The following TMPRSS11E variants were observed in gnomAD, a reference collection of about 807,000 sequenced individuals.
The protein encoded by TMPRSS11E is transmembrane serine protease 11E, also known as transmembrane protease serine 11E.
Under a neutral mutation model 48.1 loss-of-function variants are expected in TMPRSS11E, and 38 were observed. That is an observed-to-expected ratio of 0.79 (90% confidence interval 0.61 to 1.04). The LOEUF (loss-of-function observed/expected upper bound fraction) is 1.04. Ranked by LOEUF, TMPRSS11E falls within the 50% of genes least tolerant of loss-of-function variation. The probability of loss-of-function intolerance (pLI) is 0.00; values close to 1 mark genes in which losing one functional copy is unlikely to be tolerated. For synonymous variants in TMPRSS11E, 158 were observed against 171.9 expected (o/e 0.92, Z 0.63); for missense variants, 530 against 510.8 (o/e 1.04, Z -0.36).
intron 9 of TMPRSS11E, among the ~76,000 whole-genome samples, chr4:68,496,147 G>T (rs1242520883): frequency 6.6e-6 from 1 of 152,082 alleles, no homozygotes; most frequent in Non-Finnish European, 1.5e-5. Context: ...AGCATTTACA[G>T]ATAAATAAAT....
At chr4:68,479,234 C>T (rs1027194693) in intron 9 of TMPRSS11E, among the ~76,000 whole-genome samples, 2 of 152,070 alleles carry the variant, frequency 1.3e-5, no homozygotes, top group African/African-American at 4.8e-5. Flanking sequence ...GTGTAACCAC[C>T]ACTACAGTTA....
chr4:68,454,522 A>G (rs747651496), intron 1 of TMPRSS11E, among the ~76,000 whole-genome samples: 14 of 151,964 alleles, frequency 9.2e-5, no homozygotes, highest in African/African-American at 2.2e-4. Context: ...GAATTCTTAC[A>G]TATATTTCAG....
chr4:68,471,623 A>G lies in TMPRSS11E; in HGVS notation c.490A>G (p.Lys164Glu). ...KVDPHSVKIK[K>E]INKTETDSYL... Reference sequence around the variant, plus strand: ...AGATCCTCACTCAGTTAAAATTAAAAGTAAGTTAATTTCTCTTATTTTTCT... The same window carrying G: ...AGATCCTCACTCAGTTAAAATTAAAGGTAAGTTAATTTCTCTTATTTTTCT... The change falls in exon 5 of 10, where the codon AAA becomes GAA. Residue 164 changes from lysine to glutamate, a missense_variant and splice_region_variant. Coordinates refer to ENST00000305363, the MANE Select transcript of TMPRSS11E (RefSeq NM_014058.4). 5 of 1,572,394 alleles carry G rather than the reference A, an allele frequency of 3.2e-6. No individual in the cohort carries two copies. Among genetic ancestry groups the G allele is most frequent in the Non-Finnish European group, 4.3e-6 (5 of 1,163,548 alleles).
intron 1 of TMPRSS11E, among the ~76,000 whole-genome samples, chr4:68,458,295 C>CAAT (rs1336155777): frequency 6.6e-6 from 1 of 151,954 alleles, no homozygotes; most frequent in East Asian, 1.9e-4. Flanking sequence ...CATTAATAAG[C>CAAT]AATAATAATA....
intron 1 of TMPRSS11E, among the ~76,000 whole-genome samples, chr4:68,453,746 G>T (rs1227827968): frequency 6.6e-6 from 1 of 151,868 alleles, no homozygotes; most frequent in Non-Finnish European, 1.5e-5. Flanking sequence ...AGTAACAGGG[G>T]ATTACATAAA....
intron 9 of TMPRSS11E, among the ~76,000 whole-genome samples, chr4:68,495,363 G>A (rs1336413801): frequency 2.0e-5 from 3 of 151,628 alleles, no homozygotes; most frequent in Non-Finnish European, 2.9e-5. Flanking sequence ...GTTTTCTCTT[G>A]TATCTTCTAT....
At chr4:68,469,011 A>C (rs1287604269) in intron 4 of TMPRSS11E, 65 bp downstream of exon 4, 7 of 1,222,288 alleles carry the variant, frequency 5.7e-6, no homozygotes, top group Non-Finnish European at 8.4e-6. Context: ...CTCAGCAATA[A>C]ATATGTTTTC....
At chr4:68,464,618 G>C (rs1157099423) in intron 2 of TMPRSS11E, among the ~76,000 whole-genome samples, 1 of 152,168 alleles carries the variant, frequency 6.6e-6, no homozygotes, top group Non-Finnish European at 1.5e-5. Flanking sequence ...TAAGTCTACA[G>C]GGTAAAGTAA....
chr4:68,463,949 T>A (rs1319390251), intron 2 of TMPRSS11E, among the ~76,000 whole-genome samples: 2 of 152,220 alleles, frequency 1.3e-5, no homozygotes, highest in African/African-American at 2.4e-5. Context: ...CTCATTTGCC[T>A]CTTCCCAAGC....
Position 68,481,917 on chromosome 4 carries a change from G to A in TMPRSS11E, c.1110+2926G>A, listed in dbSNP as rs1037799100. 1.8e-4 allele frequency among the ~76,000 whole-genome samples: 28 copies of A among 152,256 alleles called. No individual in the cohort carries two copies. The Middle Eastern group carries it at 0.017, about 92-fold the overall frequency. ...CTGCACCCACTGCACTCCAGCTTGG[G>A]TGACAGAGCAAAACCCTGTCTCCAA... On this transcript the variant is annotated intron_variant, in intron 9 of 9. Coordinates refer to ENST00000305363, the MANE Select transcript of TMPRSS11E (RefSeq NM_014058.4).
chr4:68,458,719 A>G (rs1425062178), intron 1 of TMPRSS11E, among the ~76,000 whole-genome samples: 6 of 152,216 alleles, frequency 3.9e-5, no homozygotes, highest in African/African-American at 1.4e-4. Context: ...ACTAAGAAAT[A>G]GGATCAATTA....
chr4:68,482,494 C>A (rs1264830336), intron 9 of TMPRSS11E, among the ~76,000 whole-genome samples: 1 of 148,132 alleles, frequency 6.8e-6, no homozygotes, highest in Non-Finnish European at 1.5e-5. Context: ...TGGCTCACAC[C>A]TATAATCCCA....
At chr4:68,463,222 A>C (rs1350266539) in intron 2 of TMPRSS11E, among the ~76,000 whole-genome samples, 2 of 152,150 alleles carry the variant, frequency 1.3e-5, no homozygotes, top group African/African-American at 4.8e-5. Context: ...TAAAACAAAG[A>C]TTTTTTTGGT....
intron 4 of TMPRSS11E, among the ~76,000 whole-genome samples, chr4:68,470,959 T>C (rs1465788391): frequency 4.0e-5 from 6 of 151,898 alleles, no homozygotes; most frequent in Non-Finnish European, 8.8e-5. Context: ...ACAGTTGATT[T>C]CATATTTAAG....
In TMPRSS11E at chr4:68,466,562, C is replaced by T. The variant is rs912115614; in HGVS notation, c.137-69C>T. The T allele has an allele frequency of 1.6e-5, 24 of 1,542,528 alleles. No individual in the cohort carries two copies. In the Middle Eastern group the frequency reaches 1.0e-3, roughly 66 times the overall value. On this transcript the variant is annotated intron_variant, in intron 2 of 9. Transcript: ENST00000305363. ...TTTCAGTCTTCCAGCAACCACCAAG[C>T]GGGGATATAATGATGCTTTACACAC...
chr4:68,471,251 C>G (rs1729056680), intron 4 of TMPRSS11E, among the ~76,000 whole-genome samples: 2 of 149,854 alleles, frequency 1.3e-5, no homozygotes, highest in African/African-American at 4.9e-5. Flanking sequence ...TTTTCTTTCT[C>G]TCTCTCTCCC....
intron 9 of TMPRSS11E, among the ~76,000 whole-genome samples, chr4:68,484,224 A>G (rs1002573449): frequency 6.6e-6 from 1 of 152,172 alleles, no homozygotes; most frequent in Non-Finnish European, 1.5e-5. Flanking sequence ...AATTTCTTTG[A>G]GCAGTATGGC....
At chr4:68,453,772 G>A (rs939757604) in intron 1 of TMPRSS11E, among the ~76,000 whole-genome samples, 6 of 151,880 alleles carry the variant, frequency 4.0e-5, no homozygotes, top group Admixed American at 1.3e-4. Flanking sequence ...ATTTTATTCC[G>A]TTTAATGTGA....
At chr4:68,478,147 ATCTTTTT>A (rs1729285807) in intron 8 of TMPRSS11E, among the ~76,000 whole-genome samples, 1 of 90,532 alleles carries the variant, frequency 1.1e-5, no homozygotes, top group Non-Finnish European at 2.5e-5. Context: ...CTGTATCACT[ATCTTTTT>A]TTTTTTTTTT....
Sources: gnomAD v4.1 joint callset for allele counts (sites outside exome capture counted in the v4.1 genomes callset) on GRCh38, gnomAD v4.1.1 for gene constraint, MANE v1.5 for transcripts, NCBI Gene and HGNC (gene_info 2026-07-23, HGNC 2026-07-21) for gene names.